The following EPHA8 variants were observed in gnomAD, a reference collection of about 807,000 sequenced individuals.
EPHA8 encodes the protein EPH receptor A8.
A neutral mutation model predicts 103.6 loss-of-function variants in EPHA8; 58 were observed. The ratio of observed to expected loss-of-function variants is 0.56; its 90% CI spans 0.45 to 0.70. The LOEUF (loss-of-function observed/expected upper bound fraction) is 0.70, where lower values mean the gene tolerates loss of function less well. Ranked by LOEUF, EPHA8 falls within the 30% of genes least tolerant of loss-of-function variation. The pLI is 0.00. For synonymous variants in EPHA8, 559 were observed against 572.5 expected, an observed-to-expected ratio of 0.98 and a Z score of 0.34; for missense variants, 1,304 against 1,395.2, an observed-to-expected ratio of 0.93 and a Z score of 1.04.
chr1:22,602,281 A>G lies in EPHA8; in HGVS notation c.*540A>G, dbSNP rs1641761590. On this transcript the variant is annotated 3_prime_UTR_variant, in exon 17 of 17. Coordinates refer to ENST00000166244, the MANE Select transcript of EPHA8 (RefSeq NM_020526.5). ...TGTGACACCGCCAGGTCCAGCACCC[A>G]TGGGGGCGGGGGAGAGGCTCACCCC... The G allele has an allele frequency of 6.0e-6, 1 of 166,750 alleles. No individual in the cohort carries two copies. Among genetic ancestry groups the G allele is most frequent in the East Asian group, 1.9e-4 (1 of 5,300 alleles). 10.3% of individuals were successfully genotyped at this position (166,750 alleles called of 1,614,324 possible).
intron 1 of EPHA8, among the ~76,000 whole-genome samples, chr1:22,565,621 C>T (rs562264419): frequency 6.6e-6 from 1 of 152,312 alleles, no homozygotes; most frequent in Admixed American, 6.5e-5. Flanking sequence ...GGAGCCAGCA[C>T]CCTCTGGAAT....
At position 22,601,486 on chromosome 1, in the gene EPHA8, T is replaced by C. The variant is rs780960720; in HGVS notation, c.2903+13T>C. 6.3e-7 allele frequency: 1 copy of C among 1,596,288 alleles called. No homozygotes were observed. Among genetic ancestry groups the C allele is most frequent in the Non-Finnish European group, 8.5e-7 (1 of 1,173,784 alleles). On this transcript the variant is annotated intron_variant, in intron 16 of 16. Coordinates refer to ENST00000166244, the MANE Select transcript of EPHA8 (RefSeq NM_020526.5). ...GCATGAACGCCCAGTGAGTGATGGG[T>C]GGGGCTGGGGCCCCATGCGTGTGGG...
intron 2 of EPHA8, among the ~76,000 whole-genome samples, chr1:22,571,657 A>G (rs1640547439): frequency 6.6e-6 from 1 of 152,130 alleles, no homozygotes; most frequent in Non-Finnish European, 1.5e-5. Flanking sequence ...CTGATTTCCA[A>G]ACTCTAGACC....
chr1:22,594,313 C>T (rs940896094), intron 7 of EPHA8, among the ~76,000 whole-genome samples: 9 of 152,212 alleles, frequency 5.9e-5, no homozygotes, highest in Admixed American at 5.9e-4. Context: ...AGGAGAAGGA[C>T]GGTCGCTCGC....
intron 3 of EPHA8, among the ~76,000 whole-genome samples, chr1:22,579,079 G>T (rs1450319733): frequency 9.3e-5 from 12 of 128,882 alleles, no homozygotes; most frequent in African/African-American, 3.5e-4. Context: ...GTGTGTGCAT[G>T]TGTACGTGCA....
At chr1:22,577,615 A>G (rs908561181) in intron 3 of EPHA8, among the ~76,000 whole-genome samples, 2 of 152,114 alleles carry the variant, frequency 1.3e-5, no homozygotes, top group African/African-American at 4.8e-5. Context: ...GTGAGAAGAC[A>G]GGCAAGGGCC....
At chr1:22,582,536 T>A (rs1011430714) in intron 3 of EPHA8, among the ~76,000 whole-genome samples, 1 of 152,100 alleles carries the variant, frequency 6.6e-6, no homozygotes, top group African/African-American at 2.4e-5. Context: ...AAGAGACCCA[T>A]GGAAAAATGT....
At chr1:22,586,365 C>T in intron 3 of EPHA8, 115 bp from the exon 4 acceptor site, 5 of 1,274,008 alleles carry the variant, frequency 3.9e-6, no homozygotes, top group East Asian at 2.3e-5. Flanking sequence ...TGAAGGTCTG[C>T]ACCTCCATCC....
chr1:22,576,154 T>C lies in EPHA8; in HGVS notation c.160-63T>C. On this transcript the variant is annotated intron_variant, in intron 2 of 16. Transcript: ENST00000166244. This position sits in a 1 kb window ranked among gnomAD's most constrained non-coding sequence, Gnocchi z 4.8. ...AGCGTCCCCAGCACAGAACACAGGG[T>C]CATTGGCAAAAGAGGGTGAGGTGCT... 1.3e-6 allele frequency: 2 copies of C among 1,530,052 alleles called. No individual in the cohort carries two copies. The highest frequency in any genetic ancestry group is 1.8e-6 in the Non-Finnish European group (2 of 1,132,798). 94.8% of individuals were successfully genotyped at this position (1,530,052 alleles called of 1,614,324 possible).
In EPHA8 at chr1:22,586,182, G is replaced by C. The variant is rs571231936; in HGVS notation, c.824-298G>C. Among the ~76,000 whole-genome samples, 6 of 152,326 alleles carry C rather than the reference G, an allele frequency of 3.9e-5. No individual in the cohort carries two copies. In the South Asian group the frequency reaches 1.0e-3, roughly 26 times the overall value. ...CCTGGGGGAGGGGTCAATTAGAGGAGGGCTGGGGAATTTGGAGATGCTCAG... is the reference window on the plus strand; with the variant it reads ...CCTGGGGGAGGGGTCAATTAGAGGACGGCTGGGGAATTTGGAGATGCTCAG... On this transcript the variant is annotated intron_variant, in intron 3 of 16. Coordinates refer to ENST00000166244, the MANE Select transcript of EPHA8 (RefSeq NM_020526.5).
intron 5 of EPHA8, among the ~76,000 whole-genome samples, chr1:22,590,438 C>A (rs1375801544): frequency 1.3e-5 from 2 of 152,210 alleles, no homozygotes; most frequent in Non-Finnish European, 2.9e-5. Flanking sequence ...TTCTTCCTCT[C>A]CTCTGCGGGA....
chr1:22,594,562 C>CCTTT (rs2148261553), intron 7 of EPHA8, among the ~76,000 whole-genome samples: 1 of 152,358 alleles, frequency 6.6e-6, no homozygotes, highest in African/African-American at 2.4e-5. Context: ...CGAGGCTGTC[C>CCTTT]CTTTCACTCT....
In EPHA8 at chr1:22,576,391, C is replaced by T; in HGVS notation, c.334C>T (p.Pro112Ser). The T allele has an allele frequency of 6.2e-7, 1 of 1,613,922 alleles. No homozygotes were observed. Among genetic ancestry groups the T allele is most frequent in the Non-Finnish European group, 8.5e-7 (1 of 1,180,026 alleles). Reference sequence around the variant, plus strand: ...TACCCTGCGCGACTGCAACAGCATGCCTGGTGTGCTGGGCACCTGCAAGGA... The same window carrying T: ...TACCCTGCGCGACTGCAACAGCATGTCTGGTGTGCTGGGCACCTGCAAGGA... The part of the protein sequence containing the change: ...KFTLRDCNSM[P>S]GVLGTCKETF... The change falls in exon 3 of 17, where the codon CCT (proline) becomes TCT (serine). Residue 112 changes from proline to serine, a missense_variant. Physicochemically the swap from Pro to Ser is moderately conservative, Grantham distance 74 (BLOSUM62 -1). Transcript: ENST00000166244. This position sits in a 1 kb window ranked among gnomAD's most constrained non-coding sequence, Gnocchi z 4.8.
chr1:22,603,557 A>T lies in EPHA8; in HGVS notation c.*1816A>T, dbSNP rs1641799799. On this transcript the variant is annotated 3_prime_UTR_variant, in exon 17 of 17. Transcript: ENST00000166244. ...TCTGTGGTCTCCATCCTGACTCTTGAACTTACCCACAATAAGAATAAATTC... is the reference window on the plus strand; with the variant it reads ...TCTGTGGTCTCCATCCTGACTCTTGTACTTACCCACAATAAGAATAAATTC... 6.6e-6 allele frequency: 1 copy of T among 151,616 alleles called. No homozygotes were observed. Among genetic ancestry groups the T allele is most frequent in the Admixed American group, 6.6e-5 (1 of 15,226 alleles). The allele number at this position is 151,616 out of a possible 1,614,324, so 9.4% of individuals were successfully genotyped here.
At chr1:22,590,956 C>A (rs181669962) in intron 5 of EPHA8, among the ~76,000 whole-genome samples, 70 of 152,090 alleles carry the variant, frequency 4.6e-4, no homozygotes, top group Admixed American at 2.0e-3. Context: ...TCCATCCCCC[C>A]CTAAAGCCCC....
intron 2 of EPHA8, among the ~76,000 whole-genome samples, chr1:22,571,533 C>T (rs1297636480): frequency 5.9e-5 from 9 of 152,206 alleles, no homozygotes; most frequent in Non-Finnish European, 8.8e-5. Context: ...GTGACCATTT[C>T]ATGAGATGGG....
In EPHA8 at chr1:22,589,727, TTGG is replaced by T. The variant is rs1641325452; in HGVS notation, c.1315+525_1315+527del. The T allele has an allele frequency of 5.9e-6, 6 of 1,010,062 alleles. No individual in the cohort carries two copies. Among genetic ancestry groups the T allele is most frequent in the Non-Finnish European group, 7.1e-6 (6 of 844,028 alleles). The allele number at this position is 1,010,062 out of a possible 1,614,324, so 62.6% of individuals were successfully genotyped here. ...AGTTTATCTATCAGTTTCTGGCCAG[TTGG>T]TGGGCTGAATTCACCCCCGGAACCT... On this transcript the variant is annotated intron_variant, in intron 5 of 16. Transcript: ENST00000166244. This position sits in a 1 kb window ranked among gnomAD's most constrained non-coding sequence, Gnocchi z 4.3.
rs1014089238 is a variant in EPHA8 at position 22,602,967 on chromosome 1, G to A, written c.*1226G>A. 36 of 152,562 alleles carry A rather than the reference G, an allele frequency of 2.4e-4. No individual in the cohort carries two copies. The highest frequency in any genetic ancestry group is 8.7e-4 in the African/African-American group (36 of 41,494). 9.5% of individuals were successfully genotyped at this position (152,562 alleles called of 1,614,324 possible). A position where few individuals can be genotyped will look rare whatever the true frequency, so the allele number is the denominator to read the frequency against. The stretch of plus-strand genomic sequence containing the variant: ...GACCTCCCCCCTTACGGCCCACCAG[G>A]GTATGTAAATATCTCTTTTCTACCA... On this transcript the variant is annotated 3_prime_UTR_variant, in exon 17 of 17. Transcript: ENST00000166244.
Position 22,598,098 on chromosome 1 carries a change from C to T in EPHA8, c.2117-53C>T. The T allele has an allele frequency of 6.3e-7, 1 of 1,585,184 alleles. No individual in the cohort carries two copies. Reference sequence around the variant, plus strand: ...GTGGTATGCTCCTGGGGTCTCTGATCAGCAGCCCTGAGCCCCAAACCAAGA... The same window carrying T: ...GTGGTATGCTCCTGGGGTCTCTGATTAGCAGCCCTGAGCCCCAAACCAAGA... On this transcript the variant is annotated intron_variant, in intron 11 of 16. Coordinates refer to ENST00000166244, the MANE Select transcript of EPHA8 (RefSeq NM_020526.5). The surrounding 1 kb of genome is among the most constrained non-coding windows in gnomAD (Gnocchi z 5.1).
Sources: gnomAD v4.1 joint callset for allele counts (sites outside exome capture counted in the v4.1 genomes callset) on GRCh38, gnomAD v4.1.1 for gene constraint, Gnocchi (gnomAD v3.1) non-coding constraint, MANE v1.5 for transcripts, NCBI Gene and HGNC (gene_info 2026-07-23, HGNC 2026-07-21) for gene names.